Variants in LRRTM4 observed in about 807,000 individuals in gnomAD.
The protein encoded by LRRTM4 is leucine rich repeat transmembrane neuronal 4.
LRRTM4 carries 25 observed loss-of-function variants against 47.6 expected under a neutral mutation model. The observed-to-expected ratio is 0.53, with a 90% CI of 0.38 to 0.73. The LOEUF is 0.73. Ranked by LOEUF, LRRTM4 falls within the 30% of genes least tolerant of loss-of-function variation. The probability of loss-of-function intolerance (pLI) is 0.00; values close to 1 mark genes in which losing one functional copy is unlikely to be tolerated. For synonymous variants in LRRTM4, 311 were observed against 269.5 expected (o/e 1.15, Z -1.51); for missense variants, 638 against 713.4 (o/e 0.89, Z 1.20).
At chr2:77,296,444 C>A (rs1028773706) in intron 3 of LRRTM4, among the ~76,000 whole-genome samples, 2 of 152,032 alleles carry the variant, frequency 1.3e-5, no homozygotes, top group Non-Finnish European at 2.9e-5. Context: ...CATATTACAG[C>A]ATTTTTCTTG....
chr2:77,079,874 C>T (rs904163952), intron 3 of LRRTM4, among the ~76,000 whole-genome samples: 3 of 151,586 alleles, frequency 2.0e-5, no homozygotes, highest in Non-Finnish European at 4.4e-5. Flanking sequence ...AAAATGATTT[C>T]TACAATTAAA....
intron 3 of LRRTM4, among the ~76,000 whole-genome samples, chr2:77,276,587 C>T (rs1414015713): frequency 6.8e-6 from 1 of 147,886 alleles, no homozygotes; most frequent in Non-Finnish European, 1.5e-5. Context: ...ATAATTAGTG[C>T]TAAATAAATA....
intron 3 of LRRTM4, among the ~76,000 whole-genome samples, chr2:76,875,208 CTCAGA>C (rs1468619431): frequency 6.6e-6 from 1 of 152,008 alleles, no homozygotes. Context: ...CTGCATTTGC[CTCAGA>C]TAAGATAAAT....
chr2:76,795,906 G>T (rs546063984), intron 3 of LRRTM4, among the ~76,000 whole-genome samples: 5 of 151,814 alleles, frequency 3.3e-5, no homozygotes, highest in Non-Finnish European at 7.4e-5. Context: ...CTGAGGTACC[G>T]GGTTCATCTC....
intron 3 of LRRTM4, among the ~76,000 whole-genome samples, chr2:76,867,459 CTGTT>C (rs1407331501): frequency 1.3e-5 from 2 of 152,106 alleles, no homozygotes; most frequent in Admixed American, 1.3e-4. Flanking sequence ...AATATCTTTG[CTGTT>C]TATTTCCTCT....
At chr2:76,825,390 A>G (rs1671164603) in intron 3 of LRRTM4, among the ~76,000 whole-genome samples, 1 of 151,648 alleles carries the variant, frequency 6.6e-6, no homozygotes, top group African/African-American at 2.4e-5. Context: ...TATATTCTGA[A>G]TAGAGAGGGA....
intron 3 of LRRTM4, among the ~76,000 whole-genome samples, chr2:77,204,925 A>G (rs1242299447): frequency 6.6e-6 from 1 of 152,224 alleles, no homozygotes; most frequent in African/African-American, 2.4e-5. Context: ...ATCATCCAGA[A>G]AAGGGGTGAT....
At chr2:77,266,246 G>C (rs985714) in intron 3 of LRRTM4, among the ~76,000 whole-genome samples, 1 of 152,052 alleles carries the variant, frequency 6.6e-6, no homozygotes, top group Admixed American at 6.6e-5. Flanking sequence ...AAACATGACA[G>C]TAGAGAGACA....
At chr2:77,120,845 C>G (rs1390269176) in intron 3 of LRRTM4, among the ~76,000 whole-genome samples, 1 of 151,796 alleles carries the variant, frequency 6.6e-6, no homozygotes, top group African/African-American at 2.4e-5. Context: ...GGAGGAGAGC[C>G]TTTTTCTACC....
At position 77,012,538 on chromosome 2, in the gene LRRTM4, G is replaced by A. The variant is rs1216080822; in HGVS notation, c.1552-263622C>T. Among the ~76,000 whole-genome samples, 2 of 152,118 alleles carry A rather than the reference G, an allele frequency of 1.3e-5. 1 individual carries two copies. Among genetic ancestry groups the A allele is most frequent in the Non-Finnish European group, 2.9e-5 (2 of 68,022 alleles). On this transcript the variant is annotated intron_variant, in intron 3 of 3. Coordinates refer to ENST00000409884, the MANE Select transcript of LRRTM4 (RefSeq NM_001134745.3). The stretch of plus-strand genomic sequence containing the variant: ...TACAGAGAATCACCTGCAGAGCCTG[G>A]GCAGGATTGATGAGTGCTGATCTCA...
At chr2:77,264,070 T>C (rs1205205664) in intron 3 of LRRTM4, among the ~76,000 whole-genome samples, 2 of 152,074 alleles carry the variant, frequency 1.3e-5, no homozygotes, top group Non-Finnish European at 1.5e-5. Context: ...ACTCAGAATA[T>C]TGCTATTTCA....
intron 3 of LRRTM4, among the ~76,000 whole-genome samples, chr2:77,259,198 A>C (rs1372022310): frequency 6.6e-6 from 1 of 152,066 alleles, no homozygotes; most frequent in Non-Finnish European, 1.5e-5. Flanking sequence ...AGAATTCAGT[A>C]AACTTAGATG....
At chr2:76,991,292 A>G (rs1233687038) in intron 3 of LRRTM4, among the ~76,000 whole-genome samples, 7 of 151,660 alleles carry the variant, frequency 4.6e-5, no homozygotes, top group Non-Finnish European at 8.9e-5. Flanking sequence ...AAATAACTAC[A>G]ATGAGAGTGT....
At chr2:76,909,296 G>A (rs1355952566) in intron 3 of LRRTM4, among the ~76,000 whole-genome samples, 2 of 152,180 alleles carry the variant, frequency 1.3e-5, no homozygotes, top group African/African-American at 4.8e-5. Context: ...GCCATATGTA[G>A]AAAGCTGAAA....
intron 3 of LRRTM4, among the ~76,000 whole-genome samples, chr2:76,900,375 G>C (rs1433781305): frequency 6.6e-6 from 1 of 151,230 alleles, no homozygotes; most frequent in East Asian, 2.0e-4. Context: ...ATGTATCAAA[G>C]GTTTCAAAAC....
intron 3 of LRRTM4, among the ~76,000 whole-genome samples, chr2:77,386,154 A>C (rs772854688): frequency 6.6e-6 from 1 of 152,110 alleles, no homozygotes; most frequent in African/African-American, 2.4e-5. Context: ...CATCCACAAA[A>C]ATAATCGCAT....
intron 3 of LRRTM4, among the ~76,000 whole-genome samples, chr2:76,900,007 T>A (rs1673568612): frequency 6.6e-6 from 1 of 152,112 alleles, no homozygotes; most frequent in African/African-American, 2.4e-5. Flanking sequence ...AGTGGGTGGA[T>A]CACTTGAGGA....
intron 3 of LRRTM4, among the ~76,000 whole-genome samples, chr2:77,274,194 A>G (rs1345599597): frequency 6.6e-6 from 1 of 152,054 alleles, no homozygotes; most frequent in Non-Finnish European, 1.5e-5. Flanking sequence ...CAACCAGGCA[A>G]GATATTTGTT....
intron 3 of LRRTM4, among the ~76,000 whole-genome samples, chr2:76,834,004 G>C (rs149271762): frequency 7.0e-6 from 1 of 142,348 alleles, no homozygotes; most frequent in East Asian, 2.2e-4. Flanking sequence ...GCAAGCCCTT[G>C]TTTTTCATTT....
Sources: gnomAD v4.1 joint callset for allele counts (sites outside exome capture counted in the v4.1 genomes callset) on GRCh38, gnomAD v4.1.1 for gene constraint, MANE v1.5 for transcripts, NCBI Gene and HGNC (gene_info 2026-07-23, HGNC 2026-07-21) for gene names.